FAM3C: variants seen among roughly 807,000 people sequenced by gnomAD.
The protein encoded by FAM3C is FAM3 metabolism regulating signaling molecule C.
FAM3C carries 15 observed loss-of-function variants against 32.5 expected under a neutral mutation model. That is an observed-to-expected ratio of 0.46 (90% CI 0.31 to 0.71). FAM3C has a LOEUF of 0.71. Ranked by LOEUF, FAM3C falls within the 30% of genes least tolerant of loss-of-function variation. FAM3C has a pLI of 0.05. For missense variants in FAM3C, 175 were observed against 274.4 expected (o/e 0.64, Z 2.56); for synonymous variants, 75 against 86.1 (o/e 0.87, Z 0.72).
At chr7:121,388,854 T>C (rs1159148394) in intron 1 of FAM3C, among the ~76,000 whole-genome samples, 1 of 152,138 alleles carries the variant, frequency 6.6e-6, no homozygotes, top group Admixed American at 6.6e-5. Context: ...TGTTAACCAA[T>C]GCCAGATATG....
At chr7:121,375,988 C>T (rs1193715716) in intron 3 of FAM3C, among the ~76,000 whole-genome samples, 4 of 152,196 alleles carry the variant, frequency 2.6e-5, no homozygotes, top group Non-Finnish European at 1.5e-5. Context: ...CTACCATCAA[C>T]GTGTCTTAGA....
chr7:121,387,606 C>T (rs1372037536), intron 1 of FAM3C, among the ~76,000 whole-genome samples: 1 of 152,098 alleles, frequency 6.6e-6, no homozygotes, highest in Non-Finnish European at 1.5e-5. Context: ...ATGAAGCTAT[C>T]CATCTATAGC....
chr7:121,391,268 T>G (rs1011304940), intron 1 of FAM3C, among the ~76,000 whole-genome samples: 1 of 152,216 alleles, frequency 6.6e-6, no homozygotes, highest in Non-Finnish European at 1.5e-5. Context: ...GTTCTACAAT[T>G]GTTTAAACAC....
chr7:121,394,917 AG>A (rs1303943244), intron 1 of FAM3C, among the ~76,000 whole-genome samples: 1 of 152,234 alleles, frequency 6.6e-6, no homozygotes, highest in African/African-American at 2.4e-5. Flanking sequence ...TATGACTAAT[AG>A]TAACGGTTCC....
At chr7:121,388,090 G>C (rs1434279506) in intron 1 of FAM3C, among the ~76,000 whole-genome samples, 1 of 152,026 alleles carries the variant, frequency 6.6e-6, no homozygotes, top group Non-Finnish European at 1.5e-5. Context: ...CATTGTGTTA[G>C]AAATATTGTA....
Position 121,350,609 on chromosome 7 carries a change from C to T in FAM3C, c.595-59G>A, listed in dbSNP as rs925187643. On this transcript the variant is annotated intron_variant, in intron 9 of 9. Transcript: ENST00000359943. ...AAACCGTTGTAAACTGCTGATTTGC[C>T]GTAACATTTTACACACTTCTCATTT... The T allele has an allele frequency of 1.3e-4, 206 of 1,550,998 alleles. 3 individuals carry two copies. Among genetic ancestry groups the T allele is most frequent in the Admixed American group, 4.3e-4 (25 of 58,130 alleles).
chr7:121,371,544 A>G, intron 4 of FAM3C, 121 bp from the exon 5 acceptor site: 2 of 1,049,388 alleles, frequency 1.9e-6, no homozygotes, highest in Non-Finnish European at 2.7e-6. Context: ...CACGTATCTT[A>G]AAATACAAGC....
intron 1 of FAM3C, among the ~76,000 whole-genome samples, chr7:121,384,419 G>A (rs1193554391): frequency 1.3e-5 from 2 of 152,148 alleles, no homozygotes; most frequent in African/African-American, 2.4e-5. Context: ...GTTGGCTTCT[G>A]GCAAAACTGA....
At chr7:121,368,692 C>T (rs554830122) in intron 5 of FAM3C, among the ~76,000 whole-genome samples, 2 of 152,250 alleles carry the variant, frequency 1.3e-5, no homozygotes, top group East Asian at 3.9e-4. Context: ...GCGTGGCCTA[C>T]AAGTTCCTAT....
At chr7:121,387,816 G>C (rs1440377055) in intron 1 of FAM3C, among the ~76,000 whole-genome samples, 1 of 152,096 alleles carries the variant, frequency 6.6e-6, no homozygotes, top group Non-Finnish European at 1.5e-5. Context: ...AAAAAAGAGT[G>C]AAGTAAATGT....
chr7:121,361,594 T>C (rs1291584462), intron 7 of FAM3C, among the ~76,000 whole-genome samples: 1 of 152,214 alleles, frequency 6.6e-6, no homozygotes, highest in Admixed American at 6.5e-5. Flanking sequence ...GAATCTAAAA[T>C]TGATGGTCCC....
intron 4 of FAM3C, 49 bp from the exon 5 acceptor site, chr7:121,371,472 A>T (rs1218463960): frequency 6.4e-7 from 1 of 1,563,166 alleles, no homozygotes; most frequent in Non-Finnish European, 8.8e-7. Flanking sequence ...AAGTTAACAG[A>T]CTTTACCTCA....
In FAM3C at chr7:121,368,264, A is replaced by G. The variant is rs562886152; in HGVS notation, c.272+3036T>C. On this transcript the variant is annotated intron_variant, in intron 5 of 9. Transcript: ENST00000359943. ...ATGTTTAACAGCATCTCTGGCCTCTACAAGGAGTACCTCCAAAGCTATGAC... is the reference window on the plus strand; with the variant it reads ...ATGTTTAACAGCATCTCTGGCCTCTGCAAGGAGTACCTCCAAAGCTATGAC... Among the ~76,000 whole-genome samples the G allele has an allele frequency of 4.6e-5, 7 of 152,314 alleles. No individual in the cohort carries two copies. In the East Asian group the frequency reaches 1.4e-3, roughly 29 times the overall value.
intron 2 of FAM3C, among the ~76,000 whole-genome samples, chr7:121,382,383 C>T (rs780166046): frequency 3.3e-5 from 5 of 152,058 alleles, no homozygotes; most frequent in Non-Finnish European, 2.9e-5. Context: ...CATATTTTAT[C>T]GAATCCTTCA....
intron 8 of FAM3C, among the ~76,000 whole-genome samples, chr7:121,359,206 A>T (rs1344741321): frequency 6.6e-6 from 1 of 152,024 alleles, no homozygotes; most frequent in Non-Finnish European, 1.5e-5. Context: ...AAAGAAGTCT[A>T]TCTTAAAGAC....
At chr7:121,385,024 G>A (rs528009423) in intron 1 of FAM3C, among the ~76,000 whole-genome samples, 1 of 152,112 alleles carries the variant, frequency 6.6e-6, no homozygotes, top group African/African-American at 2.4e-5. Flanking sequence ...AAAACTTAAT[G>A]GAAACTTCAG....
chr7:121,363,827 C>T (rs1335195714), intron 6 of FAM3C, among the ~76,000 whole-genome samples: 1 of 152,146 alleles, frequency 6.6e-6, no homozygotes, highest in Non-Finnish European at 1.5e-5. Context: ...GTCAACCTAT[C>T]TTCCTATTAT....
intron 8 of FAM3C, among the ~76,000 whole-genome samples, chr7:121,356,887 T>C (rs907784534): frequency 1.3e-5 from 2 of 152,196 alleles, no homozygotes; most frequent in African/African-American, 4.8e-5. Flanking sequence ...CTGTACTCCC[T>C]GAAGTGTTAA....
intron 3 of FAM3C, among the ~76,000 whole-genome samples, chr7:121,376,515 G>A (rs1562889949): frequency 6.6e-6 from 1 of 152,132 alleles, no homozygotes; most frequent in Non-Finnish European, 1.5e-5. Flanking sequence ...TTTTGGATGT[G>A]GGATTTTTTC....
Sources: gnomAD v4.1 joint callset for allele counts (sites outside exome capture counted in the v4.1 genomes callset) on GRCh38, gnomAD v4.1.1 for gene constraint, MANE v1.5 for transcripts, NCBI Gene and HGNC (gene_info 2026-07-23, HGNC 2026-07-21) for gene names.